The following CREBBP variants were observed in gnomAD, a reference collection of about 807,000 sequenced individuals.
The protein encoded by CREBBP is CREB-binding protein.
CREBBP carries 19 observed loss-of-function variants against 265.0 expected under a neutral mutation model. The ratio of observed to expected loss-of-function variants is 0.07; its 90% CI spans 0.05 to 0.11. The LOEUF is 0.11. CREBBP is among the 10% of genes least tolerant of loss of function. The probability of loss-of-function intolerance (pLI) is 1.00; values close to 1 mark genes in which losing one functional copy is unlikely to be tolerated. For synonymous variants in CREBBP, 1,457 were observed against 1,223.7 expected, an observed-to-expected ratio of 1.19 and a Z score of -3.98; for missense variants, 2,525 against 3,219.0, an observed-to-expected ratio of 0.78 and a Z score of 5.22.
chr16:3,879,254 ACACACACAAAAC>A (rs2055470100), intron 1 of CREBBP, among the ~76,000 whole-genome samples: 1 of 150,652 alleles, frequency 6.6e-6, no homozygotes, highest in African/African-American at 2.4e-5. Context: ...ACACACACAC[ACACACACAAAAC>A]AAGGAGTTTT....
intron 2 of CREBBP, among the ~76,000 whole-genome samples, chr16:3,826,773 A>G (rs1236474259): frequency 1.3e-5 from 2 of 152,212 alleles, no homozygotes; most frequent in South Asian, 2.1e-4. Context: ...ATGGGGTATC[A>G]TGGATGGTAT....
chr16:3,849,022 CTG>C (rs963321460), intron 2 of CREBBP, among the ~76,000 whole-genome samples: 1 of 152,188 alleles, frequency 6.6e-6, no homozygotes, highest in East Asian at 1.9e-4. Flanking sequence ...TCTGGGGAAA[CTG>C]TGTTCTACTC....
intron 19 of CREBBP, among the ~76,000 whole-genome samples, chr16:3,755,123 G>C (rs963740523): frequency 2.0e-5 from 3 of 152,132 alleles, no homozygotes; most frequent in Admixed American, 6.6e-5. Context: ...CTTTTGTTTA[G>C]TAAAAATGAA....
intron 2 of CREBBP, among the ~76,000 whole-genome samples, chr16:3,847,273 T>C (rs1030986975): frequency 6.6e-6 from 1 of 152,228 alleles, no homozygotes; most frequent in Admixed American, 6.5e-5. Context: ...TGTTGCTCTT[T>C]TCCTACTATT....
Position 3,728,657 on chromosome 16 carries a change from C to T in CREBBP, c.6390G>A (p.Gln2130=), listed in dbSNP as rs2051820546. ...GLQSQPGMQP[Q]PGMHQQPSLQ... ...GGCTGGGCTGCTGGTGCATGCCAGGCTGGGGTTGCATGCCGGGCTGGGACT... is the reference window on the plus strand; with the variant it reads ...GGCTGGGCTGCTGGTGCATGCCAGGTTGGGGTTGCATGCCGGGCTGGGACT... The change falls in exon 31 of 31, where the codon CAG becomes CAA. Residue 2130 remains glutamine, a synonymous_variant. Transcript: ENST00000262367. This position sits in a 1 kb window ranked among gnomAD's most constrained non-coding sequence, Gnocchi z 8.7. 3 of 1,613,626 alleles carry T rather than the reference C, an allele frequency of 1.9e-6. No homozygotes were observed. Among genetic ancestry groups the T allele is most frequent in the African/African-American group, 1.3e-5 (1 of 75,004 alleles).
chr16:3,875,498 G>A (rs1223473631), intron 1 of CREBBP, among the ~76,000 whole-genome samples: 1 of 152,144 alleles, frequency 6.6e-6, no homozygotes, highest in Admixed American at 6.5e-5. Flanking sequence ...AGGGAAAAGG[G>A]GGACGCCCTA....
intron 26 of CREBBP, 21 bp from the exon 27 acceptor site, chr16:3,736,836 C>A (rs369347758): frequency 1.2e-6 from 2 of 1,613,962 alleles, no homozygotes; most frequent in Non-Finnish European, 1.7e-6. Context: ...CACGCACACA[C>A]GTCAGATGAA....
chr16:3,790,641 C>T (rs753625169), intron 5 of CREBBP, among the ~76,000 whole-genome samples: 4 of 152,148 alleles, frequency 2.6e-5, no homozygotes, highest in Non-Finnish European at 4.4e-5. Context: ...TGAGCCATTG[C>T]GCCTGGCCAG....
intron 9 of CREBBP, 49 bp downstream of exon 9, chr16:3,778,651 G>C (rs751620254): frequency 7.3e-7 from 1 of 1,371,536 alleles, no homozygotes; most frequent in Non-Finnish European, 1.0e-6. Flanking sequence ...ATGTAGTGCT[G>C]TCTACTACAG....
intron 2 of CREBBP, among the ~76,000 whole-genome samples, chr16:3,844,601 G>A (rs1009034724): frequency 6.6e-6 from 1 of 152,100 alleles, no homozygotes; most frequent in Non-Finnish European, 1.5e-5. Flanking sequence ...AGTAGGATAC[G>A]AGACAGGGAT....
chr16:3,837,963 C>A (rs1343304727), intron 2 of CREBBP, among the ~76,000 whole-genome samples: 1 of 152,162 alleles, frequency 6.6e-6, no homozygotes, highest in African/African-American at 2.4e-5. Context: ...AAACACCATT[C>A]ATAGTAAATG....
At chr16:3,780,925 A>G in intron 7 of CREBBP, 47 bp from the exon 8 acceptor site, 1 of 1,608,862 alleles carries the variant, frequency 6.2e-7, no homozygotes, top group Non-Finnish European at 8.5e-7. Flanking sequence ...AAGTGACTCA[A>G]ACACACTTTG....
In CREBBP at chr16:3,726,860, A is replaced by G; in HGVS notation, c.*858T>C. 1 of 233,608 alleles carries G rather than the reference A, an allele frequency of 4.3e-6. No homozygotes were observed. Among genetic ancestry groups the G allele is most frequent in the East Asian group, 6.0e-5 (1 of 16,532 alleles). 14.5% of individuals were successfully genotyped at this position (233,608 alleles called of 1,614,324 possible). ...GTTTATTTAACAATATGATATAAGA[A>G]ATGAGTTGGTATTTTACCATTCTAT... is the stretch of plus-strand genomic sequence containing the variant. On this transcript the variant is annotated 3_prime_UTR_variant, in exon 31 of 31. Transcript: ENST00000262367.
intron 2 of CREBBP, among the ~76,000 whole-genome samples, chr16:3,838,698 A>G (rs2054505469): frequency 1.3e-5 from 2 of 152,208 alleles, no homozygotes; most frequent in Non-Finnish European, 1.5e-5. Context: ...TTTCTGTGCT[A>G]ATTTTGTATA....
intron 28 of CREBBP, among the ~76,000 whole-genome samples, chr16:3,735,498 G>T (rs564423203): frequency 6.6e-6 from 1 of 152,220 alleles, no homozygotes; most frequent in African/African-American, 2.4e-5. Context: ...GGGTTTCACT[G>T]TGTTAGCCAG....
intron 19 of CREBBP, 70 bp downstream of exon 19, chr16:3,757,218 G>T (rs1186058333): frequency 7.8e-7 from 1 of 1,284,288 alleles, no homozygotes; most frequent in Non-Finnish European, 1.1e-6. Flanking sequence ...AAGAAATAAT[G>T]TACACAGACT....
At chr16:3,751,507 G>A (rs1030142708) in intron 20 of CREBBP, among the ~76,000 whole-genome samples, 1 of 152,146 alleles carries the variant, frequency 6.6e-6, no homozygotes, top group South Asian at 2.1e-4. Context: ...AAGGAGGATC[G>A]CTTGAACCCA....
intron 13 of CREBBP, among the ~76,000 whole-genome samples, chr16:3,771,698 C>T (rs569520323): frequency 6.6e-6 from 1 of 151,524 alleles, no homozygotes; most frequent in African/African-American, 2.4e-5. Context: ...GTAGTGTCTA[C>T]AGTGTGGAAA....
rs777343408 is a variant in CREBBP at position 3,728,390 on chromosome 16, G to C, written c.6657C>G (p.Ala2219=). 1.2e-6 allele frequency: 2 copies of C among 1,613,412 alleles called. No individual in the cohort carries two copies. The highest frequency in any genetic ancestry group is 2.7e-5 in the African/African-American group (2 of 74,872). ...QQQQQQQQGS[A]GMAGGMAGHG... ...GCCCCGCCATGCCCCCAGCCATGCC[G>C]GCACTCCCTTGCTGCTGCTGCTGTT... Residue 2219 remains alanine (A), a synonymous_variant, in exon 31 of 31, where the codon GCC becomes GCG. Coordinates refer to ENST00000262367, the MANE Select transcript of CREBBP (RefSeq NM_004380.3). This position sits in a 1 kb window ranked among gnomAD's most constrained non-coding sequence, Gnocchi z 8.7.
Sources: gnomAD v4.1 joint callset for allele counts (sites outside exome capture counted in the v4.1 genomes callset) on GRCh38, gnomAD v4.1.1 for gene constraint, Gnocchi (gnomAD v3.1) non-coding constraint, MANE v1.5 for transcripts, NCBI Gene and HGNC (gene_info 2026-07-23, HGNC 2026-07-21) for gene names.